C8B: variants seen among roughly 807,000 people sequenced by gnomAD.
C8B encodes complement component C8 beta chain.
In C8B, 67 loss-of-function variants were observed where a neutral mutation model predicts 64.6. The ratio of observed to expected loss-of-function variants is 1.04; its 90% CI spans 0.85 to 1.27. The LOEUF (loss-of-function observed/expected upper bound fraction) is 1.27, where lower values mean the gene tolerates loss of function less well. C8B is among the 50% of genes most tolerant of loss of function. The pLI, the probability that C8B is intolerant of heterozygous loss-of-function variation, is 0.00. For missense variants in C8B, 790 were observed against 725.2 expected, an observed-to-expected ratio of 1.09 and a Z score of -1.03; for synonymous variants, 284 against 257.7, an observed-to-expected ratio of 1.10 and a Z score of -0.98.
chr1:56,941,275 A>G (rs765392651), intron 8 of C8B, among the ~76,000 whole-genome samples: 1 of 152,168 alleles, frequency 6.6e-6, no homozygotes, highest in Non-Finnish European at 1.5e-5. Flanking sequence ...GTTTCTGAGT[A>G]AGTTTATGGA....
At chr1:56,939,037 C>T (rs1644813276) in intron 9 of C8B, among the ~76,000 whole-genome samples, 1 of 152,216 alleles carries the variant, frequency 6.6e-6, no homozygotes, top group Non-Finnish European at 1.5e-5. Context: ...TTCTCTGACA[C>T]ATCCCACATC....
intron 8 of C8B, among the ~76,000 whole-genome samples, chr1:56,943,493 A>G (rs1644894960): frequency 6.6e-6 from 1 of 152,262 alleles, no homozygotes; most frequent in Non-Finnish European, 1.5e-5. Flanking sequence ...TATTCCATTC[A>G]TATAAAGTTC....
At chr1:56,963,232 G>A (rs1251923693) in intron 1 of C8B, among the ~76,000 whole-genome samples, 1 of 152,106 alleles carries the variant, frequency 6.6e-6, no homozygotes, top group East Asian at 1.9e-4. Flanking sequence ...TCAAAATAAA[G>A]ATGGATCCAT....
intron 3 of C8B, 126 bp from the exon 4 acceptor site, chr1:56,954,953 C>A: frequency 9.3e-7 from 1 of 1,070,988 alleles, no homozygotes. Context: ...TTTAATTAGT[C>A]ATCCTGTATC....
At chr1:56,960,475 G>C (rs1047466791) in intron 1 of C8B, among the ~76,000 whole-genome samples, 2 of 152,210 alleles carry the variant, frequency 1.3e-5, no homozygotes, top group African/African-American at 4.8e-5. Flanking sequence ...AAACATATCT[G>C]TGAGAAACAT....
intron 5 of C8B, among the ~76,000 whole-genome samples, chr1:56,950,981 G>A (rs549802565): frequency 3.9e-5 from 6 of 152,210 alleles, no homozygotes; most frequent in Non-Finnish European, 8.8e-5. Flanking sequence ...CCAATGGAGA[G>A]TGTGTTTGGC....
Position 56,949,558 on chromosome 1 carries a change from A to G in C8B, c.861T>C (p.His287=), listed in dbSNP as rs1261054120. The G allele has an allele frequency of 6.2e-7, 1 of 1,612,888 alleles. No individual in the cohort carries two copies. Among genetic ancestry groups the G allele is most frequent in the East Asian group, 2.2e-5 (1 of 44,844 alleles). Residue 287 remains histidine, a synonymous_variant, in exon 6 of 12, where the codon CAT becomes CAC. Transcript: ENST00000371237. ...HYIRRTKRFS[H]TKSVFLHARS... ...AAAGCAACAAAGACATACTTACAGT[A>G]TGAGAGAATCGTTTGGTTCTCCTAA...
intron 7 of C8B, among the ~76,000 whole-genome samples, chr1:56,944,239 A>G (rs1389217069): frequency 6.6e-6 from 1 of 151,224 alleles, no homozygotes; most frequent in African/African-American, 2.4e-5. Flanking sequence ...TAATTAGTTG[A>G]GAAAATGCAT....
At chr1:56,959,674 G>C in intron 2 of C8B, 2 of 1,476,424 alleles carry the variant, frequency 1.4e-6, no homozygotes, top group Non-Finnish European at 1.8e-6. Context: ...GTCATGGGTA[G>C]ACTGTGAATG....
intron 8 of C8B, among the ~76,000 whole-genome samples, chr1:56,942,619 C>T (rs932673764): frequency 1.3e-5 from 2 of 151,664 alleles, no homozygotes; most frequent in Non-Finnish European, 2.9e-5. Context: ...CAGAAGAATC[C>T]CTTGAACCCG....
intron 4 of C8B, 90 bp downstream of exon 4, chr1:56,954,596 T>C: frequency 6.5e-7 from 1 of 1,528,282 alleles, no homozygotes; most frequent in Non-Finnish European, 9.1e-7. Flanking sequence ...TGAGGACCTC[T>C]GTTTATATCA....
intron 5 of C8B, 134 bp from the exon 6 acceptor site, chr1:56,949,886 G>A (rs959278525): frequency 1.4e-5 from 10 of 697,294 alleles, no homozygotes; most frequent in Non-Finnish European, 2.3e-5. Context: ...AGAAATCAGG[G>A]CCGATTTGTG....
rs769416892 is a variant in C8B at position 56,940,974 on chromosome 1, C to A, written c.1273G>T (p.Val425Phe). The change falls in exon 9 of 12, where the codon GTC becomes TTC. Residue 425 changes from valine to phenylalanine, a missense_variant. Coordinates refer to ENST00000371237, the MANE Select transcript of C8B (RefSeq NM_000066.4). ...KRDTMVEDLVVLVRGGASEHI... is the reference protein window; with the variant it reads ...KRDTMVEDLVFLVRGGASEHI... ...TCACTTGCCCCTCCTCGTACCAGGA[C>A]CACCAAGTCCTCCACCATGGTGTCC... 6.2e-6 allele frequency: 10 copies of A among 1,614,122 alleles called. No homozygotes were observed. Among genetic ancestry groups the A allele is most frequent in the Non-Finnish European group, 8.5e-6 (10 of 1,180,016 alleles).
Position 56,940,885 on chromosome 1 carries a change from G to A in C8B, c.1362C>T (p.Asp454=), listed in dbSNP as rs779201420. 2.6e-5 allele frequency: 42 copies of A among 1,613,832 alleles called. No individual in the cohort carries two copies. Among genetic ancestry groups the A allele is most frequent in the Admixed American group, 1.5e-4 (9 of 59,982 alleles). The change falls in exon 9 of 12, where the codon GAC becomes GAT. Residue 454 remains aspartate, a synonymous_variant. Coordinates refer to ENST00000371237, the MANE Select transcript of C8B (RefSeq NM_000066.4). ...PTADLMQEWG[D]AVQYNPAIIK... The stretch of plus-strand genomic sequence containing the variant: ...TGATGGCTGGGTTGTACTGCACAGC[G>A]TCTCCCCACTCCTGCATCAGGTCCG...
intron 5 of C8B, among the ~76,000 whole-genome samples, chr1:56,950,470 G>T (rs1181830633): frequency 6.6e-6 from 1 of 152,172 alleles, no homozygotes; most frequent in African/African-American, 2.4e-5. Context: ...GTGTGTAGGG[G>T]AACTGCCAAG....
chr1:56,940,723 G>C lies in C8B; in HGVS notation c.1398+126C>G, dbSNP rs111545650. The C allele has an allele frequency of 3.1e-6, 3 of 974,308 alleles. No homozygotes were observed. In the African/African-American group the frequency reaches 4.8e-5, roughly 16 times the overall value. 60.4% of individuals were successfully genotyped at this position (974,308 alleles called of 1,614,324 possible). A position where few individuals can be genotyped will look rare whatever the true frequency, so the allele number is the denominator to read the frequency against. On this transcript the variant is annotated intron_variant, in intron 9 of 11. Coordinates refer to ENST00000371237, the MANE Select transcript of C8B (RefSeq NM_000066.4). ...TATTTCAAATATATTTTCTACTATC[G>C]TATATGTGTCCCAAAATTAGGGCCT...
chr1:56,946,029 A>C lies in C8B; in HGVS notation c.897T>G (p.Leu299=), dbSNP rs534197740. The C allele has an allele frequency of 6.2e-7, 1 of 1,614,126 alleles. No homozygotes were observed. The highest frequency in any genetic ancestry group is 2.2e-5 in the East Asian group (1 of 44,864). ...KSVFLHARSD[L]EVAHYKLKPR... is the part of the protein sequence containing the mutation. ...GTTTCAGCTTGTAATGTGCTACTTC[A>C]AGGTCAGAGCGTGCATGCAGAAATA... is the stretch of plus-strand genomic sequence containing the variant. The change falls in exon 7 of 12, where the codon CTT becomes CTG. Residue 299 remains leucine (L), a synonymous_variant. Coordinates refer to ENST00000371237, the MANE Select transcript of C8B (RefSeq NM_000066.4).
rs760669928 is a variant in C8B at position 56,956,805 on chromosome 1, G to T, written c.355C>A (p.Gln119Lys). The T allele has an allele frequency of 6.2e-7, 1 of 1,614,046 alleles. No homozygotes were observed. The highest frequency in any genetic ancestry group is 8.5e-7 in the Non-Finnish European group (1 of 1,179,974). ...DCVTNRPCGS[Q>K]VRCEGFVCAQ... The stretch of plus-strand genomic sequence containing the variant: ...CACACAAAGCCTTCACATCGCACTT[G>T]ACTTCCGCATGGTCTGTTGGTAACA... The change falls in exon 3 of 12, where the codon CAA becomes AAA. Residue 119 changes from glutamine (Q) to lysine (K), a missense_variant. By Grantham distance (53) the Gln-to-Lys change is moderately conservative. Transcript: ENST00000371237.
At chr1:56,954,647 G>T (rs749299931) in intron 4 of C8B, 39 bp downstream of exon 4, 2 of 1,613,068 alleles carry the variant, frequency 1.2e-6, no homozygotes, top group Admixed American at 1.7e-5. Context: ...ATTTAATGCT[G>T]TGCCTTCCCA....
Sources: gnomAD v4.1 joint callset for allele counts (sites outside exome capture counted in the v4.1 genomes callset) on GRCh38, gnomAD v4.1.1 for gene constraint, MANE v1.5 for transcripts, NCBI Gene and HGNC (gene_info 2026-07-23, HGNC 2026-07-21) for gene names.